Variants in RBM26 observed in about 807,000 individuals in gnomAD.
The protein encoded by RBM26 is RNA-binding protein 26.
A neutral mutation model predicts 123.6 loss-of-function variants in RBM26; 30 were observed. The ratio of observed to expected loss-of-function variants is 0.24; its 90% CI spans 0.18 to 0.33. The LOEUF (loss-of-function observed/expected upper bound fraction) is 0.33. RBM26 is among the 10% of genes least tolerant of loss of function. The pLI is 1.00. For synonymous variants in RBM26, 400 were observed against 404.4 expected (o/e 0.99, Z 0.13); for missense variants, 947 against 1,203.6 (o/e 0.79, Z 3.15).
chr13:79,348,715 T>C (rs1040934273), intron 14 of RBM26, among the ~76,000 whole-genome samples: 3 of 152,296 alleles, frequency 2.0e-5, no homozygotes, highest in Admixed American at 1.3e-4. Flanking sequence ...ACCTGTTCAG[T>C]AAATCTGAAT....
At chr13:79,311,977 G>T (rs1403798890) in exon 5 of RBM26, 1 of 151,852 alleles carries the variant, frequency 6.6e-6, no homozygotes, top group African/African-American at 2.4e-5. Context: ...AAGCATACAA[G>T]AGTAGTATTC....
chr13:79,358,611 ACT>A (rs1311968141), intron 10 of RBM26, among the ~76,000 whole-genome samples, 178 bp from the exon 11 acceptor site: 1 of 152,226 alleles, frequency 6.6e-6, no homozygotes, highest in African/African-American at 2.4e-5. Flanking sequence ...CCAAATGAAC[ACT>A]GTTAGTATCT....
downstream of RBM26, chr13:79,315,010 C>CT (rs1369756814): frequency 1.5e-6 from 2 of 1,291,756 alleles, no homozygotes; most frequent in African/African-American, 3.1e-5. Flanking sequence ...AAAGAGAAGA[C>CT]TATTAAAAAA....
At chr13:79,382,016 A>G (rs954251336) in intron 1 of RBM26, among the ~76,000 whole-genome samples, 7 of 152,106 alleles carry the variant, frequency 4.6e-5, no homozygotes, top group Non-Finnish European at 1.0e-4. Flanking sequence ...TTTTACTTCA[A>G]TATTTTTGAA....
chr13:79,387,685 C>G (rs1348817675), intron 1 of RBM26, among the ~76,000 whole-genome samples: 1 of 152,048 alleles, frequency 6.6e-6, no homozygotes, highest in Non-Finnish European at 1.5e-5. Flanking sequence ...TTTTAGTTAA[C>G]TGAATTTCAA....
At chr13:79,343,951 G>A (rs1282267371) in intron 16 of RBM26, among the ~76,000 whole-genome samples, 1 of 151,688 alleles carries the variant, frequency 6.6e-6, no homozygotes, top group African/African-American at 2.4e-5. Flanking sequence ...AGTGAAGAAA[G>A]GTACATATCA....
chr13:79,375,224 G>A (rs985658277), intron 3 of RBM26, among the ~76,000 whole-genome samples: 1 of 137,456 alleles, frequency 7.3e-6, no homozygotes, highest in South Asian at 2.3e-4. Context: ...ACAGGCTGGA[G>A]TGCAATGGCA....
At chr13:79,346,961 A>G (rs776358146) in intron 14 of RBM26, among the ~76,000 whole-genome samples, 1 of 152,128 alleles carries the variant, frequency 6.6e-6, no homozygotes, top group Non-Finnish European at 1.5e-5. Flanking sequence ...TCGTAACCCA[A>G]TTTTCCAGTT....
At chr13:79,326,895 C>T (rs1441552406) in intron 20 of RBM26, among the ~76,000 whole-genome samples, 1 of 150,702 alleles carries the variant, frequency 6.6e-6, no homozygotes, top group East Asian at 1.9e-4. Context: ...AAATACAGTA[C>T]TATGGGATTT....
rs776273395 is a variant in RBM26 at position 79,405,724 on chromosome 13, G to A, written c.51C>T (p.Leu17=). The A allele has an allele frequency of 2.5e-6, 4 of 1,599,636 alleles. No individual in the cohort carries two copies. The Admixed American group carries it at 5.1e-5, about 20-fold the overall frequency. Residue 17 remains leucine (L), a synonymous_variant, in exon 1 of 22, where the codon CTC becomes CTT. Coordinates refer to ENST00000438737, the MANE Select transcript of RBM26 (RefSeq NM_001366735.2). ...IENFEALKSW[L]SKTLEPICDA... ...CTCACATGGGCTCGAGAGTCTTGCTGAGCCAGGACTTGAGTGCCTCGAAGT... is the reference window on the plus strand; with the variant it reads ...CTCACATGGGCTCGAGAGTCTTGCTAAGCCAGGACTTGAGTGCCTCGAAGT...
chr13:79,350,661 T>C (rs1015577381), intron 14 of RBM26, among the ~76,000 whole-genome samples: 1 of 152,198 alleles, frequency 6.6e-6, no homozygotes, highest in Non-Finnish European at 1.5e-5. Context: ...GTTACATTTG[T>C]GTATTTATTT....
At chr13:79,394,476 C>T (rs1423522872) in intron 1 of RBM26, among the ~76,000 whole-genome samples, 1 of 152,124 alleles carries the variant, frequency 6.6e-6, no homozygotes. Flanking sequence ...TTTTTGGAAG[C>T]ATATAAAGGC....
At chr13:79,357,084 T>C (rs1378056050) in intron 11 of RBM26, among the ~76,000 whole-genome samples, 2 of 152,144 alleles carry the variant, frequency 1.3e-5, no homozygotes, top group Non-Finnish European at 2.9e-5. Context: ...CAGAATTGTG[T>C]AACAATCTAA....
intron 1 of RBM26, among the ~76,000 whole-genome samples, chr13:79,389,853 CTATT>C (rs943121014): frequency 2.0e-4 from 31 of 152,042 alleles, no homozygotes; most frequent in Admixed American, 1.9e-3. Context: ...AAATAAAGCA[CTATT>C]TAAACAAAGT....
intron 1 of RBM26, among the ~76,000 whole-genome samples, chr13:79,399,203 A>G (rs2078854115): frequency 6.6e-6 from 1 of 152,236 alleles, no homozygotes; most frequent in African/African-American, 2.4e-5. Flanking sequence ...TTTGACTTCA[A>G]CACAAAGAAA....
chr13:79,368,155 G>C (rs1449925275), intron 6 of RBM26, among the ~76,000 whole-genome samples: 1 of 152,000 alleles, frequency 6.6e-6, no homozygotes, highest in Non-Finnish European at 1.5e-5. Context: ...CTCCCGAGTA[G>C]CTGGGACTAC....
chr13:79,384,130 G>C (rs2077286633), intron 1 of RBM26, among the ~76,000 whole-genome samples: 2 of 151,814 alleles, frequency 1.3e-5, no homozygotes, highest in Admixed American at 6.6e-5. Flanking sequence ...AGTGAGCTTT[G>C]GCAAATTAAA....
Position 79,358,319 on chromosome 13 carries a change from T to C in RBM26, c.1644A>G (p.Lys548=). 6.2e-7 allele frequency: 1 copy of C among 1,610,622 alleles called. No homozygotes were observed. Among genetic ancestry groups the C allele is most frequent in the Non-Finnish European group, 8.5e-7 (1 of 1,178,932 alleles). ...KVPPELNNIS[K]LNEHFSRFGT... ...CAAATCGACTAAAATGTTCATTAAG[T>C]TTGCTGATATTATTTAATTCTGGAG... Residue 548 remains lysine, a synonymous_variant, in exon 11 of 22, where the codon AAA becomes AAG. Coordinates refer to ENST00000438737, the MANE Select transcript of RBM26 (RefSeq NM_001366735.2).
At chr13:79,374,443 G>A (rs2076464878) in intron 3 of RBM26, among the ~76,000 whole-genome samples, 2 of 151,824 alleles carry the variant, frequency 1.3e-5, no homozygotes, top group Non-Finnish European at 2.9e-5. Context: ...GCCACTATGG[G>A]GCCACGACAC....
Sources: gnomAD v4.1 joint callset for allele counts (sites outside exome capture counted in the v4.1 genomes callset) on GRCh38, gnomAD v4.1.1 for gene constraint, MANE v1.5 for transcripts, NCBI Gene and HGNC (gene_info 2026-07-23, HGNC 2026-07-21) for gene names.